TYR: variants seen among roughly 807,000 people sequenced by gnomAD.
TYR encodes the protein LB24-AB.
In TYR, 58 loss-of-function variants were observed where a neutral mutation model predicts 51.5. That is an observed-to-expected ratio of 1.13 (90% CI 0.91 to 1.40). TYR has a LOEUF of 1.40. Among genes scored for constraint, TYR ranks in the 40% most tolerant of loss-of-function variants. The pLI, the probability that TYR is intolerant of heterozygous loss-of-function variation, is 0.00. For synonymous variants in TYR, 263 were observed against 235.2 expected (o/e 1.12, Z -1.08); for missense variants, 732 against 647.4 (o/e 1.13, Z -1.42).
chr11:89,203,075 G>C (rs769630608), intron 2 of TYR, among the ~76,000 whole-genome samples: 9 of 152,138 alleles, frequency 5.9e-5, no homozygotes, highest in Non-Finnish European at 1.0e-4. Flanking sequence ...ATAGATACTT[G>C]CATTTCCACA....
chr11:89,284,254 C>A (rs1944754110), intron 3 of TYR, among the ~76,000 whole-genome samples: 1 of 151,740 alleles, frequency 6.6e-6, no homozygotes, highest in African/African-American at 2.4e-5. Context: ...GGTATCTAAA[C>A]CATTGTCATT....
At chr11:89,211,701 A>G (rs1356294738) in intron 2 of TYR, among the ~76,000 whole-genome samples, 1 of 152,176 alleles carries the variant, frequency 6.6e-6, no homozygotes, top group Non-Finnish European at 1.5e-5. Flanking sequence ...ATTGGAAGTA[A>G]AACACTCCAC....
At chr11:89,291,478 C>A (rs1042052222) in intron 4 of TYR, among the ~76,000 whole-genome samples, 1 of 150,910 alleles carries the variant, frequency 6.6e-6, no homozygotes, top group Non-Finnish European at 1.5e-5. Context: ...AGTAAAAAGA[C>A]TTTTTTTTTA....
intron 3 of TYR, among the ~76,000 whole-genome samples, chr11:89,261,923 G>T (rs1236457121): frequency 2.0e-5 from 3 of 151,672 alleles, no homozygotes; most frequent in African/African-American, 7.3e-5. Context: ...GAATATATGG[G>T]GAAATTAAGC....
intron 1 of TYR, among the ~76,000 whole-genome samples, chr11:89,186,950 C>T (rs970604747): frequency 6.6e-6 from 1 of 152,140 alleles, no homozygotes; most frequent in Non-Finnish European, 1.5e-5. Context: ...CTCTGCAAGA[C>T]ATAAGAGAGG....
At chr11:89,188,654 C>G (rs1341517188) in intron 1 of TYR, among the ~76,000 whole-genome samples, 1 of 151,982 alleles carries the variant, frequency 6.6e-6, no homozygotes, top group Admixed American at 6.6e-5. Flanking sequence ...TAGTGCTAAC[C>G]AGCTCTACAA....
intron 2 of TYR, chr11:89,192,087 C>T (rs1943453687): frequency 2.5e-6 from 1 of 396,948 alleles, no homozygotes; most frequent in South Asian, 1.9e-5. Flanking sequence ...AAGCCTCCCT[C>T]TCATTATCCC....
Position 89,191,434 on chromosome 11 carries a change from T to G in TYR, c.1036+16T>G. 1 of 1,609,420 alleles carries G rather than the reference T, an allele frequency of 6.2e-7. No homozygotes were observed. Among genetic ancestry groups the G allele is most frequent in the African/African-American group, 1.3e-5 (1 of 74,890 alleles). On this transcript the variant is annotated intron_variant, in intron 2 of 4. Coordinates refer to ENST00000263321, the MANE Select transcript of TYR (RefSeq NM_000372.5). The stretch of plus-strand genomic sequence containing the variant: ...ACACTGGAAGGTAATCTCTTTCTTT[T>G]CACTTTTAATTTTTTTTCTGAATTC...
intron 3 of TYR, among the ~76,000 whole-genome samples, chr11:89,252,652 G>T (rs918872446): frequency 6.6e-5 from 10 of 151,770 alleles, no homozygotes; most frequent in Non-Finnish European, 1.3e-4. Flanking sequence ...ACAAAGTACT[G>T]ATTCAGAAAA....
rs553332984 is a variant in TYR, at chr11:89,184,586, C to T, written c.819+5814C>T. On this transcript the variant is annotated intron_variant, in intron 1 of 4. Transcript: ENST00000263321. ...CAAGTCACTCAACAGTTCTAGTTCT[C>T]AATTATATATGGATAAAAGGATTTA... is the stretch of plus-strand genomic sequence containing the variant. 3.3e-5 allele frequency among the ~76,000 whole-genome samples: 5 copies of T among 152,112 alleles called. No homozygotes were observed. The East Asian group carries it at 9.7e-4, about 29-fold the overall frequency.
chr11:89,183,130 T>C (rs1325663211), intron 1 of TYR, among the ~76,000 whole-genome samples: 1 of 152,134 alleles, frequency 6.6e-6, no homozygotes, highest in Admixed American at 6.6e-5. Context: ...AACAAAATCT[T>C]TGCTCCCAAA....
chr11:89,242,508 C>G (rs183358306), intron 3 of TYR, among the ~76,000 whole-genome samples: 25 of 152,248 alleles, frequency 1.6e-4, no homozygotes, highest in Admixed American at 9.8e-4. Flanking sequence ...CTGTGCCCGG[C>G]CTCTTTATTG....
At chr11:89,191,158 CAGT>C in intron 1 of TYR, 41 bp from the exon 2 acceptor site, 1 of 1,573,434 alleles carries the variant, frequency 6.4e-7, no homozygotes, top group Admixed American at 1.7e-5. Flanking sequence ...CCTACTGACT[CAGT>C]GGTGGTGACA....
In TYR at chr11:89,290,781, C is replaced by A. The variant is rs189644090; in HGVS notation, c.1367-4362C>A. On this transcript the variant is annotated intron_variant, in intron 4 of 4. Coordinates refer to ENST00000263321, the MANE Select transcript of TYR (RefSeq NM_000372.5). ...TGAGTCACATAGCCATGACTTGCTG[C>A]AAGGTAAGCCCAGGATGCACTCTCT... Among the ~76,000 whole-genome samples the A allele has an allele frequency of 3.1e-3, 464 of 152,052 alleles. 2 individuals are homozygous for A. Among genetic ancestry groups the A allele is most frequent in the Non-Finnish European group, 5.0e-3 (341 of 67,890 alleles).
chr11:89,264,326 C>T (rs758086072), intron 3 of TYR, among the ~76,000 whole-genome samples: 4 of 151,874 alleles, frequency 2.6e-5, no homozygotes, highest in Admixed American at 6.6e-5. Flanking sequence ...AAATATTTCA[C>T]GGACTCCAGA....
chr11:89,242,855 C>A (rs1944217262), intron 3 of TYR, among the ~76,000 whole-genome samples: 1 of 152,104 alleles, frequency 6.6e-6, no homozygotes, highest in Non-Finnish European at 1.5e-5. Context: ...CTAAAATGCT[C>A]TCTATAAAGA....
chr11:89,262,296 T>C (rs1944466296), intron 3 of TYR, among the ~76,000 whole-genome samples: 1 of 152,062 alleles, frequency 6.6e-6, no homozygotes, highest in African/African-American at 2.4e-5. Context: ...TGACCTCAGG[T>C]GATCTGCCAG....
intron 1 of TYR, among the ~76,000 whole-genome samples, chr11:89,180,577 C>T (rs773198824): frequency 6.6e-6 from 1 of 150,814 alleles, no homozygotes; most frequent in African/African-American, 2.4e-5. Flanking sequence ...TGTGTCAAGT[C>T]AGTAAGCCCT....
intron 2 of TYR, among the ~76,000 whole-genome samples, chr11:89,223,570 G>A (rs987722614): frequency 1.3e-5 from 2 of 152,106 alleles, no homozygotes; most frequent in Admixed American, 6.5e-5. Context: ...TTTGGAAATT[G>A]TCTCTCTTAT....
Sources: allele counts gnomAD v4.1 joint callset (sites outside exome capture counted in the v4.1 genomes callset), GRCh38; gene constraint gnomAD v4.1.1; transcripts MANE v1.5; gene names NCBI Gene and HGNC (gene_info 2026-07-23, HGNC 2026-07-21).